ERLIN2: variants seen among roughly 807,000 people sequenced by gnomAD.
ERLIN2 encodes ER lipid raft associated 2, also known as erlin-2.
ERLIN2 carries 22 observed loss-of-function variants against 41.5 expected under a neutral mutation model. That is an observed-to-expected ratio of 0.53 (90% CI 0.38 to 0.76). The LOEUF is 0.76. Ranked by LOEUF, ERLIN2 falls within the 30% of genes least tolerant of loss-of-function variation. The pLI is 0.00. For missense variants in ERLIN2, 247 were observed against 414.3 expected (o/e 0.60, Z 3.51); for synonymous variants, 149 against 150.9 (o/e 0.99, Z 0.09).
At chr8:37,736,730 G>A (rs1585894544) in intron 1 of ERLIN2, 52 bp downstream of exon 1, 2 of 985,758 alleles carry the variant, frequency 2.0e-6, no homozygotes, top group Non-Finnish European at 2.4e-6. Flanking sequence ...TGCCGCTCAG[G>A]GTCGGGGCTG....
chr8:37,740,967 C>T (rs1378036131), intron 3 of ERLIN2, among the ~76,000 whole-genome samples: 1 of 152,176 alleles, frequency 6.6e-6, no homozygotes, highest in Non-Finnish European at 1.5e-5. Context: ...TTACACTTTA[C>T]ACTGACCCAG....
At position 37,745,683 on chromosome 8, in the gene ERLIN2, C is replaced by A. The variant is rs921275824; in HGVS notation, c.424+987C>A. ...CGCCAGCAATCATAATTAAGCAAAC[C>A]GCCTTTTGCACCATTTAAGATTTAG... On this transcript the variant is annotated intron_variant, in intron 6 of 11. Transcript: ENST00000519638. 2.5e-6 allele frequency: 4 copies of A among 1,608,976 alleles called. No individual in the cohort carries two copies. The East Asian group carries it at 6.7e-5, about 27-fold the overall frequency.
chr8:37,737,977 C>T lies in ERLIN2; in HGVS notation c.55C>T (p.Leu19Phe), dbSNP rs570095242. 4 of 1,614,132 alleles carry T rather than the reference C, an allele frequency of 2.5e-6. No individual in the cohort carries two copies. In the African/African-American group the frequency reaches 5.3e-5, roughly 22 times the overall value. ...AVASSFFCASLFSAVHKIEEG... is the reference protein window; with the variant it reads ...AVASSFFCASFFSAVHKIEEG... ...GGCTTCCAGTTTCTTTTGTGCATCT[C>T]TCTTCTCAGCTGTGCACAAGATAGA... Residue 19 changes from leucine to phenylalanine, a missense_variant, in exon 2 of 12, where the codon CTC becomes TTC. By Grantham distance (22) the Leu-to-Phe change is conservative (BLOSUM62 0). Transcript: ENST00000519638.
chr8:37,739,383 G>A (rs1033183458), intron 2 of ERLIN2, among the ~76,000 whole-genome samples: 1 of 152,214 alleles, frequency 6.6e-6, no homozygotes, highest in Non-Finnish European at 1.5e-5. Context: ...TTGGACTCCA[G>A]CATTAGTGCA....
rs1305006911 is a variant in ERLIN2, at chr8:37,755,569, A to AC, written c.*1466dup. On this transcript the variant is annotated 3_prime_UTR_variant, in exon 12 of 12. Transcript: ENST00000519638. ...AGCTGACCCCCACCCCCCACCCCCCACCCCCCCCCCCCGCCAACTCCTATA... is the reference window on the plus strand; with the variant it reads ...AGCTGACCCCCACCCCCCACCCCCCACCCCCCCCCCCCCGCCAACTCCTATA... 89 of 57,598 alleles carry AC rather than the reference A, an allele frequency of 1.5e-3. No individual in the cohort carries two copies. Among genetic ancestry groups the AC allele is most frequent in the South Asian group, 0.011 (11 of 1,012 alleles). 3.6% of individuals were successfully genotyped at this position (57,598 alleles called of 1,614,324 possible). A position where few individuals can be genotyped will look rare whatever the true frequency, so the allele number is the denominator to read the frequency against.
chr8:37,755,241 C>T lies in ERLIN2; in HGVS notation c.*1126C>T, dbSNP rs1462390999. The T allele has an allele frequency of 2.0e-5, 3 of 152,232 alleles. No homozygotes were observed. Among genetic ancestry groups the T allele is most frequent in the Non-Finnish European group, 4.4e-5 (3 of 68,066 alleles). 9.4% of individuals were successfully genotyped at this position (152,232 alleles called of 1,614,324 possible). A position where few individuals can be genotyped will look rare whatever the true frequency, so the allele number is the denominator to read the frequency against. On this transcript the variant is annotated 3_prime_UTR_variant, in exon 12 of 12. Coordinates refer to ENST00000519638, the MANE Select transcript of ERLIN2 (RefSeq NM_007175.8). The stretch of plus-strand genomic sequence containing the variant: ...AGTCTCCAGAGACAGCTGTGTGGAG[C>T]AAATCAGAGTTCATGCCCAAGTCCC...
chr8:37,740,474 G>A (rs766731498), intron 3 of ERLIN2, 28 bp downstream of exon 3: 1 of 1,565,630 alleles, frequency 6.4e-7, no homozygotes, highest in Admixed American at 1.7e-5. Flanking sequence ...GGTATGGCTG[G>A]ACGACTGCAA....
At position 37,742,158 on chromosome 8, in the gene ERLIN2, A is replaced by G. The variant is rs535037184; in HGVS notation, c.236+340A>G. On this transcript the variant is annotated intron_variant, in intron 4 of 11. Transcript: ENST00000519638. ...GGATATCGAGACCATCCTGGCCAACATGGTGAAACCCCGTCTCTACTAAAA... is the reference window on the plus strand; with the variant it reads ...GGATATCGAGACCATCCTGGCCAACGTGGTGAAACCCCGTCTCTACTAAAA... Among the ~76,000 whole-genome samples, 4 of 152,180 alleles carry G rather than the reference A, an allele frequency of 2.6e-5. No homozygotes were observed. In the South Asian group the frequency reaches 8.3e-4, roughly 32 times the overall value.
In ERLIN2 at chr8:37,755,129, T is replaced by G. The variant is rs1253402488; in HGVS notation, c.*1014T>G. On this transcript the variant is annotated 3_prime_UTR_variant, in exon 12 of 12. Coordinates refer to ENST00000519638, the MANE Select transcript of ERLIN2 (RefSeq NM_007175.8). ...GGCTTGTGCTGGGAGTGGGTCTGACTTAGTGATAAAAGGACTCTATTCACT... is the reference window on the plus strand; with the variant it reads ...GGCTTGTGCTGGGAGTGGGTCTGACGTAGTGATAAAAGGACTCTATTCACT... 1 of 152,284 alleles carries G rather than the reference T, an allele frequency of 6.6e-6. No homozygotes were observed. The highest frequency in any genetic ancestry group is 2.4e-5 in the African/African-American group (1 of 41,468). The allele number at this position is 152,284 out of a possible 1,614,324, so 9.4% of individuals were successfully genotyped here. A position where few individuals can be genotyped will look rare whatever the true frequency, so the allele number is the denominator to read the frequency against.
rs748772104 is a variant in ERLIN2 at position 37,738,053 on chromosome 8, C to T, written c.107+24C>T. On this transcript the variant is annotated intron_variant, in intron 2 of 11. Coordinates refer to ENST00000519638, the MANE Select transcript of ERLIN2 (RefSeq NM_007175.8). ...AGGTAAGGCAGAGACAGGGAGAAGCCGGCAACTTCCTGTTAAATAGCTCCC... is the reference window on the plus strand; with the variant it reads ...AGGTAAGGCAGAGACAGGGAGAAGCTGGCAACTTCCTGTTAAATAGCTCCC... 20 of 1,613,550 alleles carry T rather than the reference C, an allele frequency of 1.2e-5. No individual in the cohort carries two copies. The East Asian group carries it at 3.6e-4, about 29-fold the overall frequency.
intron 6 of ERLIN2, 42 bp downstream of exon 6, chr8:37,744,738 TC>T: frequency 6.2e-7 from 1 of 1,613,282 alleles, no homozygotes; most frequent in East Asian, 2.2e-5. Flanking sequence ...TAAGCAGGGT[TC>T]CTGGAACCCC....
Position 37,741,885 on chromosome 8 carries a change from A to G in ERLIN2, c.236+67A>G. The G allele has an allele frequency of 7.9e-7, 1 of 1,272,562 alleles. No individual in the cohort carries two copies. The highest frequency in any genetic ancestry group is 1.2e-6 in the Non-Finnish European group (1 of 869,352). 78.8% of individuals were successfully genotyped at this position (1,272,562 alleles called of 1,614,324 possible). A position where few individuals can be genotyped will look rare whatever the true frequency, so the allele number is the denominator to read the frequency against. ...GAGAAAAGGCTGTCTGGCTGGTTGCAGGAAGAGACAGTGAAAAGGGAGGCA... is the reference window on the plus strand; with the variant it reads ...GAGAAAAGGCTGTCTGGCTGGTTGCGGGAAGAGACAGTGAAAAGGGAGGCA... On this transcript the variant is annotated intron_variant, in intron 4 of 11. Coordinates refer to ENST00000519638, the MANE Select transcript of ERLIN2 (RefSeq NM_007175.8). This position sits in a 1 kb window ranked among gnomAD's most constrained non-coding sequence, Gnocchi z 4.8.
At position 37,754,284 on chromosome 8, in the gene ERLIN2, G is replaced by A; in HGVS notation, c.*169G>A. 7.5e-6 allele frequency: 5 copies of A among 667,706 alleles called. No individual in the cohort carries two copies. Among genetic ancestry groups the A allele is most frequent in the Non-Finnish European group, 1.3e-5 (5 of 376,374 alleles). The allele number at this position is 667,706 out of a possible 1,614,324, so 41.4% of individuals were successfully genotyped here. On this transcript the variant is annotated 3_prime_UTR_variant, in exon 12 of 12. Coordinates refer to ENST00000519638, the MANE Select transcript of ERLIN2 (RefSeq NM_007175.8). ...TCCCTTTCTAGGGAAAGGAGGGTGG[G>A]GACTGATGATGGGGGGTTTTATTTC...
chr8:37,753,550 G>A, intron 11 of ERLIN2, 21 bp downstream of exon 11: 1 of 1,608,416 alleles, frequency 6.2e-7, no homozygotes, highest in Non-Finnish European at 8.5e-7. Flanking sequence ...CGCACAGCCT[G>A]ATAAAAAGGA....
intron 2 of ERLIN2, 119 bp downstream of exon 2, chr8:37,738,148 C>A: frequency 1.7e-6 from 2 of 1,172,420 alleles, no homozygotes; most frequent in Admixed American, 1.9e-5. Flanking sequence ...AATAGGGGAG[C>A]CTTTTCAGAT....
chr8:37,744,514 C>G, intron 5 of ERLIN2, 57 bp from the exon 6 acceptor site: 1 of 1,612,988 alleles, frequency 6.2e-7, no homozygotes, highest in Non-Finnish European at 8.5e-7. Flanking sequence ...GCTGCCGTGT[C>G]TGAGGGCATT....
intron 9 of ERLIN2, 92 bp downstream of exon 9, chr8:37,750,578 T>C: frequency 7.5e-6 from 8 of 1,063,066 alleles, no homozygotes; most frequent in South Asian, 7.5e-5. Flanking sequence ...TGAGACCCCA[T>C]GGTCCTCCAA....
chr8:37,758,078 A>T lies in ERLIN2; in HGVS notation c.*3963A>T, dbSNP rs1803398109. ...AAGTACTATGTGTCCTAAACACTGC[A>T]TGAGACATACTCATACCAAAGTATT... On this transcript the variant is annotated 3_prime_UTR_variant, in exon 12 of 12. Coordinates refer to ENST00000519638, the MANE Select transcript of ERLIN2 (RefSeq NM_007175.8). 1 of 152,242 alleles carries T rather than the reference A, an allele frequency of 6.6e-6. No homozygotes were observed. The highest frequency in any genetic ancestry group is 2.1e-4 in the South Asian group (1 of 4,834). The allele number at this position is 152,242 out of a possible 1,614,324, so 9.4% of individuals were successfully genotyped here.
Position 37,744,404 on chromosome 8 carries a change from G to A in ERLIN2, c.286G>A (p.Val96Ile), listed in dbSNP as rs575635673. Residue 96 changes from valine (V) to isoleucine (I), a missense_variant, in exon 5 of 12, where the codon GTC (valine) becomes ATC (isoleucine). By Grantham distance (29) the Val-to-Ile change is conservative. Transcript: ENST00000519638. The stretch of plus-strand genomic sequence containing the variant: ...CAGAATTGAAGTGGTGAACTTCCTG[G>A]TCCCGAACGCAGGTACGTCTTAACA... ...FDRIEVVNFL[V>I]PNAVYDIVKN... is the part of the protein sequence containing the mutation. The A allele has an allele frequency of 6.2e-6, 10 of 1,614,032 alleles. No homozygotes were observed. Among genetic ancestry groups the A allele is most frequent in the East Asian group, 2.2e-5 (1 of 44,886 alleles).
Sources: gnomAD v4.1 joint callset for allele counts (sites outside exome capture counted in the v4.1 genomes callset) on GRCh38, gnomAD v4.1.1 for gene constraint, Gnocchi (gnomAD v3.1) non-coding constraint, MANE v1.5 for transcripts, NCBI Gene and HGNC (gene_info 2026-07-23, HGNC 2026-07-21) for gene names.